The following LGR5 variants were observed in gnomAD, a reference collection of about 807,000 sequenced individuals.
LGR5 encodes the protein leucine-rich repeat-containing G protein-coupled receptor 5.
A neutral mutation model predicts 76.7 loss-of-function variants in LGR5; 54 were observed. The observed-to-expected ratio is 0.70, with a 90% confidence interval of 0.57 to 0.88. The LOEUF is 0.88. Among genes scored for constraint, LGR5 ranks in the 40% least tolerant of loss-of-function variants. The pLI, the probability that LGR5 is intolerant of heterozygous loss-of-function variation, is 0.00. For missense variants in LGR5, 1,078 were observed against 1,073.3 expected, an observed-to-expected ratio of 1.00 and a Z score of -0.06; for synonymous variants, 406 against 421.9, an observed-to-expected ratio of 0.96 and a Z score of 0.46.
At chr12:71,452,476 T>C (rs975994176) in intron 1 of LGR5, among the ~76,000 whole-genome samples, 4 of 152,252 alleles carry the variant, frequency 2.6e-5, no homozygotes, top group Admixed American at 2.6e-4. Context: ...TGCCATTTTC[T>C]AGCTACAAAA....
At position 71,440,034 on chromosome 12, in the gene LGR5, G is replaced by T; in HGVS notation, c.-47G>T. On this transcript the variant is annotated 5_prime_UTR_variant, in exon 1 of 18. Transcript: ENST00000266674. The surrounding 1 kb of genome is among the most constrained non-coding windows in gnomAD (Gnocchi z 5.3). ...GCGCCACGGCCCGTAGCAGTCCGGTGCTGCTCTCCGCCCGCGTCCGGCTCG... is the reference window on the plus strand; with the variant it reads ...GCGCCACGGCCCGTAGCAGTCCGGTTCTGCTCTCCGCCCGCGTCCGGCTCG... 6.4e-7 allele frequency: 1 copy of T among 1,570,798 alleles called. No individual in the cohort carries two copies. The highest frequency in any genetic ancestry group is 8.7e-7 in the Non-Finnish European group (1 of 1,155,576).
At position 71,553,089 on chromosome 12, in the gene LGR5, C is replaced by G. The variant is rs758413651; in HGVS notation, c.445C>G (p.His149Asp). The change falls in exon 5 of 18, where the codon CAC becomes GAC. Residue 149 changes from histidine (H) to aspartate (D), a missense_variant. Transcript: ENST00000266674. ...CTTCCACAGGCGTCTGGATGCTAACCACATCAGCTATGTGCCCCCAAGCTG... is the reference window on the plus strand; with the variant it reads ...CTTCCACAGGCGTCTGGATGCTAACGACATCAGCTATGTGCCCCCAAGCTG... ...SLQSLRLDAN[H>D]ISYVPPSCFS... The G allele has an allele frequency of 1.4e-5, 23 of 1,613,816 alleles. No individual in the cohort carries two copies. Among genetic ancestry groups the G allele is most frequent in the Non-Finnish European group, 1.9e-5 (23 of 1,179,976 alleles).
At chr12:71,525,410 T>A (rs1875944516) in intron 3 of LGR5, among the ~76,000 whole-genome samples, 1 of 151,754 alleles carries the variant, frequency 6.6e-6, no homozygotes, top group African/African-American at 2.4e-5. Flanking sequence ...TTCTTTCTTT[T>A]TTTTTTTGCT....
chr12:71,559,626 A>G lies in LGR5; in HGVS notation c.757A>G (p.Ile253Val). 1 of 1,568,984 alleles carries G rather than the reference A, an allele frequency of 6.4e-7. No individual in the cohort carries two copies. ...TAACCTTGATGAATTCCCCACTGCA[A>G]TTAGGACACTCTCCAACCTTAAAGA... is the stretch of plus-strand genomic sequence containing the variant. ...YNNLDEFPTA[I>V]RTLSNLKELG... The change falls in exon 7 of 18, where the codon ATT (isoleucine) becomes GTT (valine). Residue 253 changes from isoleucine (I) to valine (V), a missense_variant. Coordinates refer to ENST00000266674, the MANE Select transcript of LGR5 (RefSeq NM_003667.4).
At chr12:71,543,372 C>A (rs576155096) in intron 4 of LGR5, among the ~76,000 whole-genome samples, 6 of 152,092 alleles carry the variant, frequency 3.9e-5, no homozygotes, top group Non-Finnish European at 7.3e-5. Context: ...CTGAGGACTC[C>A]CCATTCCAAG....
chr12:71,553,492 G>C (rs1014688161), intron 5 of LGR5, among the ~76,000 whole-genome samples: 2 of 152,084 alleles, frequency 1.3e-5, no homozygotes, highest in Non-Finnish European at 2.9e-5. Context: ...TAGATGCCAA[G>C]CACAGCAGGG....
At chr12:71,465,021 G>A (rs1872807766) in intron 1 of LGR5, among the ~76,000 whole-genome samples, 1 of 152,088 alleles carries the variant, frequency 6.6e-6, no homozygotes, top group Non-Finnish European at 1.5e-5. Context: ...GCATGGAGTG[G>A]CCCTTCAGAA....
Position 71,553,071 on chromosome 12 carries a change from A to C in LGR5, c.429-2A>C, listed in dbSNP as rs1406070893. On this transcript the variant is annotated splice_acceptor_variant, in intron 4 of 17. Transcript: ENST00000266674. LOFTEE classifies it high-confidence loss of function. ...TCCATTCTTGCTTTCTTTCTTCCAC[A>C]GGCGTCTGGATGCTAACCACATCAG... is the stretch of plus-strand genomic sequence containing the variant. 6 of 1,613,480 alleles carry C rather than the reference A, an allele frequency of 3.7e-6. No homozygotes were observed. The highest frequency in any genetic ancestry group is 4.2e-6 in the Non-Finnish European group (5 of 1,179,764).
intron 1 of LGR5, among the ~76,000 whole-genome samples, chr12:71,453,641 C>T (rs1165792486): frequency 6.6e-6 from 1 of 151,680 alleles, no homozygotes; most frequent in Non-Finnish European, 1.5e-5. Flanking sequence ...GGGAATTCAA[C>T]CTTCCTTCAG....
In LGR5 at chr12:71,583,630, C is replaced by T; in HGVS notation, c.1637-17C>T. The T allele has an allele frequency of 6.3e-7, 1 of 1,582,604 alleles. No homozygotes were observed. The highest frequency in any genetic ancestry group is 8.6e-7 in the Non-Finnish European group (1 of 1,162,530). Reference sequence around the variant, plus strand: ...CCCTAATTTGATACTCAATCTTTGCCTTCCTTGGACTTCTAGGCCCCTTCA... The same window carrying T: ...CCCTAATTTGATACTCAATCTTTGCTTTCCTTGGACTTCTAGGCCCCTTCA... On this transcript the variant is annotated splice_polypyrimidine_tract_variant and intron_variant, in intron 17 of 17. Transcript: ENST00000266674.
intron 11 of LGR5, among the ~76,000 whole-genome samples, chr12:71,568,656 A>G (rs542094084): frequency 6.6e-6 from 1 of 152,382 alleles, no homozygotes; most frequent in African/African-American, 2.4e-5. Context: ...GAACTGAGAA[A>G]GATACCAATG....
rs61737419 is a variant in LGR5 at position 71,556,661 on chromosome 12, C to T, written c.687C>T (p.Cys229=). 2,318 of 1,612,246 alleles carry T rather than the reference C, an allele frequency of 1.4e-3. 3 individuals are homozygous for T. Among genetic ancestry groups the T allele is most frequent in the Middle Eastern group, 5.6e-3 (34 of 6,060 alleles). The part of the protein sequence containing the change: ...NNRIHSLGKK[C]FDGLHSLETL... ...GAATCCACTCCCTGGGAAAGAAATG[C>T]TTTGATGGGCTCCACAGCCTAGAGA... The change falls in exon 6 of 18, where the codon TGC becomes TGT. Residue 229 remains cysteine, a synonymous_variant. Transcript: ENST00000266674.
rs773148459 is a variant in LGR5 at position 71,584,684 on chromosome 12, G to C, written c.2674G>C (p.Val892Leu). 6.2e-7 allele frequency: 1 copy of C among 1,613,742 alleles called. No individual in the cohort carries two copies. The highest frequency in any genetic ancestry group is 8.5e-7 in the Non-Finnish European group (1 of 1,179,682). The change falls in exon 18 of 18, where the codon GTG becomes CTG. Residue 892 changes from valine (V) to leucine (L), a missense_variant. Val to Leu is a conservative substitution (Grantham distance 32). Coordinates refer to ENST00000266674, the MANE Select transcript of LGR5 (RefSeq NM_003667.4). ...TTCCGTGCCATCACCAGCTTATCCA[G>C]TGACTGAGAGCTGCCATCTTTCCTC... The part of the protein sequence containing the change: ...PSSVPSPAYP[V>L]TESCHLSSVA...
At chr12:71,552,990 T>G (rs1280778943) in intron 4 of LGR5, 83 bp from the exon 5 acceptor site, 1 of 1,257,842 alleles carries the variant, frequency 8.0e-7, no homozygotes, top group Non-Finnish European at 1.1e-6. Flanking sequence ...TTGTTCATCA[T>G]GCATGGGGAG....
chr12:71,566,906 A>C lies in LGR5; in HGVS notation c.1064A>C (p.Gln355Pro). Residue 355 changes from glutamine to proline, a missense_variant, in exon 11 of 18, where the codon CAA (glutamine) becomes CCA (proline). By Grantham distance (76) the Gln-to-Pro change is moderately conservative (BLOSUM62 -1). Coordinates refer to ENST00000266674, the MANE Select transcript of LGR5 (RefSeq NM_003667.4). ...GTCTGCAATCAGTTACCTAATCTCC[A>C]AGTGCTGTGCGTATCAGTAAGGCAA... ...QTVCNQLPNL[Q>P]VLDLSYNLLE... The C allele has an allele frequency of 1.5e-5, 24 of 1,608,736 alleles. No individual in the cohort carries two copies. Among genetic ancestry groups the C allele is most frequent in the South Asian group, 2.2e-5 (2 of 90,948 alleles).
Position 71,561,807 on chromosome 12 carries a change from C to T in LGR5, c.812C>T (p.Ser271Leu), listed in dbSNP as rs770485879. Residue 271 changes from serine to leucine, a missense_variant, in exon 8 of 18, where the codon TCG becomes TTG. Ser to Leu is a moderately radical substitution (Grantham distance 145). Coordinates refer to ENST00000266674, the MANE Select transcript of LGR5 (RefSeq NM_003667.4). ...ELGFHSNNIR[S>L]IPEKAFVGNP... The stretch of plus-strand genomic sequence containing the variant: ...GGATTTCATAGCAACAATATCAGGT[C>T]GATACCTGAGAAAGCATTTGTAGGC... 51 of 1,603,752 alleles carry T rather than the reference C, an allele frequency of 3.2e-5. No homozygotes were observed. The highest frequency in any genetic ancestry group is 2.0e-4 in the East Asian group (9 of 44,682).
chr12:71,460,743 C>A (rs933004690), intron 1 of LGR5, among the ~76,000 whole-genome samples: 1 of 152,078 alleles, frequency 6.6e-6, no homozygotes, highest in Non-Finnish European at 1.5e-5. Flanking sequence ...CAGGAATCAT[C>A]CAGCCCCATT....
chr12:71,563,547 A>G (rs984512801), intron 8 of LGR5, among the ~76,000 whole-genome samples: 2 of 152,220 alleles, frequency 1.3e-5, no homozygotes, highest in African/African-American at 2.4e-5. Context: ...ACATGGCCTA[A>G]GCCAACCCTG....
At chr12:71,471,482 G>A (rs1457842906) in intron 1 of LGR5, among the ~76,000 whole-genome samples, 1 of 152,208 alleles carries the variant, frequency 6.6e-6, no homozygotes, top group East Asian at 1.9e-4. Context: ...GGACTGGTTA[G>A]TGACTGCTAA....
Sources: allele counts gnomAD v4.1 joint callset (sites outside exome capture counted in the v4.1 genomes callset), GRCh38; gene constraint gnomAD v4.1.1; non-coding constraint Gnocchi (gnomAD v3.1); transcripts MANE v1.5; gene names NCBI Gene and HGNC (gene_info 2026-07-23, HGNC 2026-07-21).